Variants in RUBCN observed in about 807,000 individuals in gnomAD.
RUBCN encodes rubicon autophagy regulator, also known as run domain Beclin-1-interacting and cysteine-rich domain-containing protein.
Under a neutral mutation model 113.2 loss-of-function variants are expected in RUBCN, and 74 were observed. That is an observed-to-expected ratio of 0.65 (90% CI 0.54 to 0.79). The LOEUF (loss-of-function observed/expected upper bound fraction) is 0.79, where lower values mean the gene tolerates loss of function less well. Among genes scored for constraint, RUBCN ranks in the 30% least tolerant of loss-of-function variants. The pLI is 0.00. For synonymous variants in RUBCN, 480 were observed against 490.0 expected, an observed-to-expected ratio of 0.98 and a Z score of 0.27; for missense variants, 1,109 against 1,251.7, an observed-to-expected ratio of 0.89 and a Z score of 1.72.
chr3:197,675,996 A>G lies in RUBCN; in HGVS notation c.2647-481T>C, dbSNP rs890129910. 1.3e-5 allele frequency among the ~76,000 whole-genome samples: 2 copies of G among 152,222 alleles called. No homozygotes were observed. Among genetic ancestry groups the G allele is most frequent in the African/African-American group, 4.8e-5 (2 of 41,446 alleles). ...GCCCAGCTCGAATTATGGGACGGTC[A>G]CAGGAACATAAACTGGGCATAGGCT... is the stretch of plus-strand genomic sequence containing the variant. On this transcript the variant is annotated intron_variant, in intron 18 of 19. Transcript: ENST00000296343. This position sits in a 1 kb window ranked among gnomAD's most constrained non-coding sequence, Gnocchi z 4.4.
At position 197,700,569 on chromosome 3, in the gene RUBCN, A is replaced by G. The variant is rs772606643; in HGVS notation, c.1261+44T>C. 1.4e-5 allele frequency: 23 copies of G among 1,606,462 alleles called. No homozygotes were observed. The African/African-American group carries it at 2.0e-4, about 14-fold the overall frequency. On this transcript the variant is annotated intron_variant, in intron 7 of 19. Coordinates refer to ENST00000296343, the MANE Select transcript of RUBCN (RefSeq NM_014687.4). ...CATAACAAGCCCTCTCTTACTCTCA[A>G]TTCAGGGTCATCTTGCTAACTAGCA...
At position 197,718,046 on chromosome 3, in the gene RUBCN, C is replaced by A; in HGVS notation, c.150G>T (p.Lys50Asn). 1 of 1,614,204 alleles carries A rather than the reference C, an allele frequency of 6.2e-7. No individual in the cohort carries two copies. Reference sequence around the variant, plus strand: ...TGCAAAGCCGCTCCAAGCCACCATACTTAGACCAGACGTTGGGGCTGTTGG... The same window carrying A: ...TGCAAAGCCGCTCCAAGCCACCATAATTAGACCAGACGTTGGGGCTGTTGG... ...VSTNSPNVWSKYGGLERLCRD... is the reference protein window; with the variant it reads ...VSTNSPNVWSNYGGLERLCRD... The change falls in exon 2 of 20, where the codon AAG becomes AAT. Residue 50 changes from lysine to asparagine, a missense_variant. Transcript: ENST00000296343.
intron 10 of RUBCN, chr3:197,694,054 A>G: frequency 2.0e-6 from 1 of 504,266 alleles, no homozygotes; most frequent in South Asian, 2.0e-5. Context: ...CTTTATTTAT[A>G]TATATACATA....
intron 2 of RUBCN, among the ~76,000 whole-genome samples, chr3:197,716,050 A>C (rs576524782): frequency 1.3e-5 from 2 of 152,242 alleles, no homozygotes; most frequent in Non-Finnish European, 2.9e-5. Flanking sequence ...TATCACTAGA[A>C]CACACTGGCT....
At chr3:197,749,650 G>A in exon 1 of RUBCN, 1 of 852,670 alleles carries the variant, frequency 1.2e-6, no homozygotes, top group Non-Finnish European at 1.8e-6. Context: ...AAGATTCAGA[G>A]GTGCCCGCGG....
chr3:197,696,999 G>T lies in RUBCN; in HGVS notation c.1312C>A (p.Gln438Lys). The T allele has an allele frequency of 6.2e-7, 1 of 1,610,900 alleles. No homozygotes were observed. The highest frequency in any genetic ancestry group is 1.1e-5 in the South Asian group (1 of 90,988). Reference sequence around the variant, plus strand: ...CTGGGTGTGCTGACTTCACTGCTTTGACCAGAGTAGGGCAAAGGGCCTCTC... The same window carrying T: ...CTGGGTGTGCTGACTTCACTGCTTTTACCAGAGTAGGGCAAAGGGCCTCTC... ...KLRGPLPYSG[Q>K]SSEVSTPSSL... The change falls in exon 8 of 20, where the codon CAA (glutamine) becomes AAA (lysine). Residue 438 changes from glutamine to lysine, a missense_variant. Around this residue, in one of 3 missense-constraint regions of RUBCN, gnomAD observed 736 missense variants for 779.6 expected, o/e 0.94. Coordinates refer to ENST00000296343, the MANE Select transcript of RUBCN (RefSeq NM_014687.4).
chr3:197,700,224 A>G (rs1723490258), intron 7 of RUBCN, among the ~76,000 whole-genome samples: 1 of 152,204 alleles, frequency 6.6e-6, no homozygotes, highest in Admixed American at 6.5e-5. Context: ...TCACATTGGT[A>G]TTATTACACC....
upstream of RUBCN, among the ~76,000 whole-genome samples, chr3:197,738,339 G>A (rs1208531939): frequency 2.0e-5 from 3 of 152,176 alleles, no homozygotes; most frequent in Admixed American, 6.5e-5. Flanking sequence ...GAGAAAGAGC[G>A]ATCAAGAATA....
At chr3:197,738,035 C>T (rs1728320120), upstream of RUBCN, among the ~76,000 whole-genome samples, 1 of 152,090 alleles carries the variant, frequency 6.6e-6, no homozygotes, top group African/African-American at 2.4e-5. Context: ...ACTACAGGTG[C>T]GAGCCACCAC....
Position 197,742,988 on chromosome 3 carries a change from G to T in RUBCN, c.-116+6281C>A, listed in dbSNP as rs141510566. ...TCCTGCCTTCCCTAGGGAGGGCAAGGCCTAATAAGCTGAGAGGTCCCACCC... is the reference window on the plus strand; with the variant it reads ...TCCTGCCTTCCCTAGGGAGGGCAAGTCCTAATAAGCTGAGAGGTCCCACCC... On this transcript the variant is annotated intron_variant, in intron 1 of 20. Coordinates refer to the RUBCN transcript ENST00000273582. Among the ~76,000 whole-genome samples the T allele has an allele frequency of 1.8e-4, 28 of 152,294 alleles. No individual in the cohort carries two copies. In the East Asian group the frequency reaches 5.4e-3, roughly 29 times the overall value.
Position 197,674,860 on chromosome 3 carries a change from A to AAGTG in RUBCN, c.*157_*158insCACT. The AAGTG allele has an allele frequency of 2.1e-5, 13 of 626,248 alleles. No homozygotes were observed. The highest frequency in any genetic ancestry group is 1.2e-4 in the South Asian group (5 of 40,844). 38.8% of individuals were successfully genotyped at this position (626,248 alleles called of 1,614,324 possible). On this transcript the variant is annotated 3_prime_UTR_variant, in exon 20 of 20. Coordinates refer to ENST00000296343, the MANE Select transcript of RUBCN (RefSeq NM_014687.4). ...TCAACCTGCCGACGGCTGACTGCAC[A>AAGTG]CAGACGTCAGACAAGTCAGTAAAAA...
chr3:197,682,009 G>T (rs976232685), intron 14 of RUBCN, 110 bp from the exon 15 acceptor site: 1 of 850,678 alleles, frequency 1.2e-6, no homozygotes, highest in Non-Finnish European at 2.0e-6. Flanking sequence ...TGGGAAGAGA[G>T]GGGAATTCAC....
chr3:197,692,244 G>A (rs1036091421), intron 11 of RUBCN, among the ~76,000 whole-genome samples: 2 of 151,920 alleles, frequency 1.3e-5, no homozygotes, highest in African/African-American at 2.4e-5. Context: ...CCTGGTTGGC[G>A]AACACATCAA....
At chr3:197,709,473 C>T (rs1184720696) in intron 2 of RUBCN, among the ~76,000 whole-genome samples, 1 of 152,110 alleles carries the variant, frequency 6.6e-6, no homozygotes, top group Non-Finnish European at 1.5e-5. Flanking sequence ...CTCCACCTAC[C>T]AGATTCAAGC....
intron 1 of RUBCN, among the ~76,000 whole-genome samples, chr3:197,719,419 A>T (rs1725894843): frequency 6.8e-6 from 1 of 147,708 alleles, no homozygotes; most frequent in Non-Finnish European, 1.5e-5. Flanking sequence ...TGGAGGTTGC[A>T]GTGAGCTGAG....
intron 11 of RUBCN, among the ~76,000 whole-genome samples, chr3:197,693,155 C>T (rs1389084003): frequency 6.6e-6 from 1 of 151,998 alleles, no homozygotes; most frequent in African/African-American, 2.4e-5. Flanking sequence ...CAGACTGGAA[C>T]CCCACTGTTC....
chr3:197,676,777 G>A (rs1251520157), intron 18 of RUBCN, 108 bp downstream of exon 18: 9 of 1,592,624 alleles, frequency 5.7e-6, no homozygotes, highest in African/African-American at 5.4e-5. Context: ...AGTGCTGACT[G>A]GCCATTTCAA....
intron 11 of RUBCN, among the ~76,000 whole-genome samples, chr3:197,690,058 G>A (rs1005674279): frequency 4.6e-5 from 7 of 152,148 alleles, no homozygotes; most frequent in African/African-American, 1.7e-4. Flanking sequence ...GGGAGCTCCT[G>A]TAATATTTGT....
chr3:197,696,372 CAA>C (rs990625896), intron 8 of RUBCN, among the ~76,000 whole-genome samples: 3 of 123,724 alleles, frequency 2.4e-5, no homozygotes, highest in Admixed American at 8.4e-5. Flanking sequence ...AACTCTGTCT[CAA>C]AAAAAAAAAA....
Sources: allele counts gnomAD v4.1 joint callset (sites outside exome capture counted in the v4.1 genomes callset), GRCh38; gene constraint gnomAD v4.1.1; regional missense constraint gnomAD v4.1.1; non-coding constraint Gnocchi (gnomAD v3.1); transcripts MANE v1.5; gene names NCBI Gene and HGNC (gene_info 2026-07-23, HGNC 2026-07-21).